Variants in SLC9A6 observed in about 807,000 individuals in gnomAD.
SLC9A6 encodes the protein sodium/hydrogen exchanger 6.
In SLC9A6, 6 loss-of-function variants were observed where a neutral mutation model predicts 45.3. That is an observed-to-expected ratio of 0.13 (90% confidence interval 0.07 to 0.26). The LOEUF is 0.26. Among genes scored for constraint, SLC9A6 ranks in the 10% least tolerant of loss-of-function variants. SLC9A6 has a pLI of 1.00. For synonymous variants in SLC9A6, 191 were observed against 187.7 expected (o/e 1.02, Z -0.14); for missense variants, 278 against 503.7 (o/e 0.55, Z 4.29).
At chrX:135,986,861 C>T (rs1201376327) in intron 2 of SLC9A6, among the ~76,000 whole-genome samples, 2 of 111,251 alleles carry the variant, frequency 1.8e-5, no homozygotes, top group East Asian at 2.8e-4. Flanking sequence ...GAGATGAGGG[C>T]GGACAAACAA....
chrX:136,010,108 A>T (rs984253198), intron 7 of SLC9A6: 2 of 248,440 alleles, frequency 8.1e-6, no homozygotes, highest in Non-Finnish European at 1.4e-5. Context: ...AGGCTTTCGG[A>T]CACTCAGTAC....
chrX:135,977,033 A>T (rs781961187), intron 1 of SLC9A6, among the ~76,000 whole-genome samples: 27 of 112,015 alleles, frequency 2.4e-4, no homozygotes, highest in African/African-American at 8.8e-4. Flanking sequence ...GTTACCAAGG[A>T]CTGTATCATT....
At chrX:136,026,948 G>T (rs971941024) in intron 13 of SLC9A6, among the ~76,000 whole-genome samples, 6 of 111,705 alleles carry the variant, frequency 5.4e-5, no homozygotes, top group Non-Finnish European at 3.8e-5. Context: ...CTGGCATCTA[G>T]TGAGTAGAGG....
chrX:136,034,836 T>G (rs1371265329), intron 16 of SLC9A6, among the ~76,000 whole-genome samples: 1 of 111,994 alleles, frequency 8.9e-6, no homozygotes, highest in East Asian at 2.8e-4. Context: ...TCTTAAAATT[T>G]TTTAAAGATT....
intron 2 of SLC9A6, among the ~76,000 whole-genome samples, chrX:135,989,371 G>A (rs1324985374): frequency 2.7e-5 from 3 of 111,988 alleles, no homozygotes; most frequent in Admixed American, 9.5e-5. Context: ...AAGTGATCAC[G>A]CACTACACTG....
intron 8 of SLC9A6, 129 bp from the exon 9 acceptor site, chrX:136,012,820 C>T: frequency 1.8e-6 from 1 of 552,761 alleles, no homozygotes; most frequent in Non-Finnish European, 3.2e-6. Flanking sequence ...CTGGTGGTAC[C>T]TTATTCTGAG....
At chrX:136,022,221 A>G (rs1556619989) in intron 11 of SLC9A6, among the ~76,000 whole-genome samples, 1 of 112,232 alleles carries the variant, frequency 8.9e-6, no homozygotes, top group Non-Finnish European at 1.9e-5. Flanking sequence ...TAGTAAAGAA[A>G]CTGCTTTTAA....
chrX:136,002,285 G>T (rs1266486381), intron 7 of SLC9A6, 72 bp downstream of exon 7: 2 of 708,176 alleles, frequency 2.8e-6, no homozygotes, highest in African/African-American at 2.1e-5. Context: ...GTCACTTATT[G>T]AATAAAGTAC....
chrX:136,033,471 A>G lies in SLC9A6; in HGVS notation c.1639A>G (p.Met547Val), dbSNP rs782262777. Residue 547 changes from methionine (M) to valine (V), a missense_variant, in exon 16 of 18, where the codon ATG becomes GTG. By Grantham distance (21) the Met-to-Val change is conservative. Around this residue, in one of 5 missense-constraint regions of SLC9A6, gnomAD observed 91 missense variants for 125.1 expected, o/e 0.73. Transcript: ENST00000630721. Reference sequence around the variant, plus strand: ...AGCAGAGAGTGCTTGGCTTTTCCGGATGTGGTACAACTTTGATCATAAGTA... The same window carrying G: ...AGCAGAGAGTGCTTGGCTTTTCCGGGTGTGGTACAACTTTGATCATAAGTA... The part of the protein sequence containing the change: ...TKAESAWLFR[M>V]WYNFDHNYLK... 5 of 1,166,847 alleles carry G rather than the reference A, an allele frequency of 4.3e-6. No individual in the cohort carries two copies. The highest frequency in any genetic ancestry group is 5.8e-6 in the Non-Finnish European group (5 of 860,482).
At position 136,036,040 on chromosome X, in the gene SLC9A6, G is replaced by A. The variant is rs182152746; in HGVS notation, c.1661+2547G>A. Among the ~76,000 whole-genome samples the A allele has an allele frequency of 3.1e-3, 337 of 110,200 alleles. 1 individual carries two copies. Among genetic ancestry groups the A allele is most frequent in the African/African-American group, 0.01 (312 of 30,227 alleles). On this transcript the variant is annotated intron_variant, in intron 16 of 17. Coordinates refer to ENST00000630721, the MANE Select transcript of SLC9A6 (RefSeq NM_001379110.1). ...GCCTCCCAAAGTGCTGGAATTATAG[G>A]AGTGAGCCACTTGCCCAGCCTGTTT...
chrX:136,004,281 G>A (rs1556617697), intron 7 of SLC9A6, among the ~76,000 whole-genome samples: 2 of 108,434 alleles, frequency 1.8e-5, no homozygotes, highest in African/African-American at 3.4e-5. Flanking sequence ...TAAAGACGGG[G>A]TTTCACTGTG....
intron 2 of SLC9A6, among the ~76,000 whole-genome samples, chrX:135,994,193 C>T (rs2089469553): frequency 3.7e-5 from 4 of 108,324 alleles, no homozygotes; most frequent in Admixed American, 2.0e-4. Context: ...CAACCTCTGC[C>T]TCCTGGGTTA....
intron 15 of SLC9A6, among the ~76,000 whole-genome samples, chrX:136,031,986 T>G (rs1556621195): frequency 8.9e-6 from 1 of 112,558 alleles, no homozygotes; most frequent in East Asian, 2.8e-4. Context: ...AGAGAGAAAT[T>G]TATTTTGAGC....
chrX:136,044,980 GT>G lies in SLC9A6; in HGVS notation c.*258del, dbSNP rs2071574819. The G allele has an allele frequency of 2.9e-6, 1 of 345,392 alleles. No individual in the cohort carries two copies. Among genetic ancestry groups the G allele is most frequent in the Admixed American group, 4.8e-5 (1 of 20,765 alleles). The allele number at this position is 345,392 out of a possible 1,213,427, so 28.5% of individuals were successfully genotyped here. A position where few individuals can be genotyped will look rare whatever the true frequency, so the allele number is the denominator to read the frequency against. On this transcript the variant is annotated 3_prime_UTR_variant, in exon 18 of 18. Coordinates refer to ENST00000630721, the MANE Select transcript of SLC9A6 (RefSeq NM_001379110.1). Reference sequence around the variant, plus strand: ...CTTTCACAGTGATGTTGTGTGTTCTGTTAGTTTTATGTCTCAGTTAAAGTGT... The same window carrying G: ...CTTTCACAGTGATGTTGTGTGTTCTGTAGTTTTATGTCTCAGTTAAAGTGT...
intron 2 of SLC9A6, among the ~76,000 whole-genome samples, chrX:135,991,112 C>T (rs1556615643): frequency 1.8e-5 from 2 of 111,657 alleles, no homozygotes. Context: ...ATTTTAAATT[C>T]GAACCTTTGT....
In SLC9A6 at chrX:136,045,585, A is replaced by T. The variant is rs1282772591; in HGVS notation, c.*861A>T. On this transcript the variant is annotated 3_prime_UTR_variant, in exon 18 of 18. Coordinates refer to ENST00000630721, the MANE Select transcript of SLC9A6 (RefSeq NM_001379110.1). ...ATGTGTAAATATTCTATACCAGATA[A>T]GTTTAAATAAGAAATTTAATTGCTG... 1 of 112,235 alleles carries T rather than the reference A, an allele frequency of 8.9e-6. No homozygotes were observed. Among genetic ancestry groups the T allele is most frequent in the Non-Finnish European group, 1.9e-5 (1 of 53,240 alleles). The allele number at this position is 112,235 out of a possible 1,213,427, so 9.2% of individuals were successfully genotyped here.
chrX:136,011,674 C>T (rs782526785), intron 8 of SLC9A6, among the ~76,000 whole-genome samples: 49 of 112,274 alleles, frequency 4.4e-4, no homozygotes, highest in Non-Finnish European at 8.1e-4. Context: ...CTGGTGCTTT[C>T]GATATAGTGG....
At chrX:135,985,194 A>C (rs186472276), upstream of SLC9A6, 15 of 226,035 alleles carry the variant, frequency 6.6e-5, no homozygotes, top group Admixed American at 6.5e-4. Context: ...TGAGAATAGG[A>C]TCAAAGTAGA....
chrX:135,974,996 T>G (rs1246973232), intron 1 of SLC9A6: 4 of 225,234 alleles, frequency 1.8e-5, no homozygotes, highest in African/African-American at 1.2e-4. Flanking sequence ...TGTAGACATT[T>G]AATAGTGAGC....
Sources: allele counts gnomAD v4.1 joint callset (sites outside exome capture counted in the v4.1 genomes callset), GRCh38; gene constraint gnomAD v4.1.1; regional missense constraint gnomAD v4.1.1; transcripts MANE v1.5; gene names NCBI Gene and HGNC (gene_info 2026-07-23, HGNC 2026-07-21).